The following CEP63 variants were observed in gnomAD, a reference collection of about 807,000 sequenced individuals.
CEP63 encodes centrosomal protein of 63 kDa.
A neutral mutation model predicts 89.1 loss-of-function variants in CEP63; 84 were observed. That is an observed-to-expected ratio of 0.94 (90% CI 0.79 to 1.13). The LOEUF (loss-of-function observed/expected upper bound fraction) is 1.13. CEP63 is among the 50% of genes most tolerant of loss of function. The probability of loss-of-function intolerance (pLI) is 0.00; values close to 1 mark genes in which losing one functional copy is unlikely to be tolerated. For synonymous variants in CEP63, 267 were observed against 272.5 expected (o/e 0.98, Z 0.20); for missense variants, 838 against 813.3 (o/e 1.03, Z -0.37).
the CEP63 span, among the ~76,000 whole-genome samples, chr3:134,708,443 T>C: frequency 6.6e-6 from 1 of 152,220 alleles, no homozygotes; most frequent in Non-Finnish European, 1.5e-5. Flanking sequence ...ATAGAATTGG[T>C]CATGAAGGGC....
the CEP63 span, among the ~76,000 whole-genome samples, chr3:134,694,157 C>G: frequency 1.3e-5 from 2 of 152,162 alleles, no homozygotes; most frequent in African/African-American, 4.8e-5. Flanking sequence ...TCTCAATGGC[C>G]CCTTGAGGTT....
chr3:134,716,577 C>G, the CEP63 span, among the ~76,000 whole-genome samples: 1 of 152,128 alleles, frequency 6.6e-6, no homozygotes, highest in African/African-American at 2.4e-5. Context: ...CAAGCCCCTC[C>G]TTGGGTAGAG....
chr3:134,588,432 A>T (rs1250737587), downstream of CEP63, among the ~76,000 whole-genome samples: 1 of 151,382 alleles, frequency 6.6e-6, no homozygotes, highest in Admixed American at 6.6e-5. Context: ...GATGGTATTT[A>T]AAAAAAATAT....
At chr3:134,503,086 G>A (rs955336258) in intron 2 of CEP63, among the ~76,000 whole-genome samples, 1 of 145,656 alleles carries the variant, frequency 6.9e-6, no homozygotes, top group Non-Finnish European at 1.5e-5. Flanking sequence ...GAAGATACTT[G>A]GTGTGATTTC....
the CEP63 span, among the ~76,000 whole-genome samples, chr3:134,717,848 A>T: frequency 6.6e-6 from 1 of 152,226 alleles, no homozygotes; most frequent in African/African-American, 2.4e-5. Context: ...CTTGCTGGGC[A>T]GAACTGATGG....
chr3:134,701,220 G>A, the CEP63 span, among the ~76,000 whole-genome samples: 3 of 77,888 alleles, frequency 3.9e-5, no homozygotes, highest in Non-Finnish European at 5.4e-5. Context: ...ATATATGTGT[G>A]TATATATACG....
chr3:134,593,907 T>C, the CEP63 span, among the ~76,000 whole-genome samples: 96,793 of 152,046 alleles, frequency 0.64, 31,533 homozygotes, highest in East Asian at 0.81. Context: ...GGGGATCTGA[T>C]ACTCATGAAA....
the CEP63 span, among the ~76,000 whole-genome samples, chr3:134,727,558 A>G: frequency 2.0e-5 from 3 of 152,342 alleles, no homozygotes; most frequent in South Asian, 6.2e-4. Flanking sequence ...TTTTGTATGA[A>G]AAAAGAATCA....
chr3:134,531,807 G>A, intron 3 of CEP63, 38 bp from the exon 4 acceptor site: 1 of 1,365,456 alleles, frequency 7.3e-7, no homozygotes, highest in Non-Finnish European at 1.0e-6. Flanking sequence ...TTATTTCAAT[G>A]CTAATAGTGA....
chr3:134,737,443 G>A, the CEP63 span, among the ~76,000 whole-genome samples: 1 of 151,846 alleles, frequency 6.6e-6, no homozygotes, highest in Non-Finnish European at 1.5e-5. Flanking sequence ...AAACCGAAAA[G>A]CAAAACATAA....
chr3:134,770,628 A>C, the CEP63 span, among the ~76,000 whole-genome samples: 27 of 152,328 alleles, frequency 1.8e-4, no homozygotes, highest in African/African-American at 6.3e-4. Context: ...GTCAAATACC[A>C]TTCAAAATGC....
chr3:134,561,663 A>C lies in CEP63; in HGVS notation c.*128A>C, dbSNP rs1446976290. On this transcript the variant is annotated 3_prime_UTR_variant, in exon 15 of 15. Coordinates refer to ENST00000675561, the MANE Select transcript of CEP63 (RefSeq NM_001353108.3). ...AAATGATACATCTAAAGCAGTGGTG[A>C]AGAAAGCTGAAAAACTGATACTTTT... 6.7e-7 allele frequency: 1 copy of C among 1,485,868 alleles called. No homozygotes were observed. Among genetic ancestry groups the C allele is most frequent in the African/African-American group, 1.4e-5 (1 of 70,528 alleles). 92.0% of individuals were successfully genotyped at this position (1,485,868 alleles called of 1,614,324 possible).
chr3:134,560,086 T>G (rs1577438110), intron 14 of CEP63, among the ~76,000 whole-genome samples: 1 of 152,378 alleles, frequency 6.6e-6, no homozygotes, highest in East Asian at 1.9e-4. Flanking sequence ...AGGTTTTCTT[T>G]TATTTTTCAA....
intron 3 of CEP63, among the ~76,000 whole-genome samples, chr3:134,525,786 G>A (rs901852712): frequency 2.6e-5 from 4 of 152,066 alleles, no homozygotes; most frequent in African/African-American, 9.7e-5. Context: ...TGGCTTGTAG[G>A]GTTTCTGCCA....
At chr3:134,737,437 C>A in the CEP63 span, among the ~76,000 whole-genome samples, 1 of 151,622 alleles carries the variant, frequency 6.6e-6, no homozygotes, top group African/African-American at 2.4e-5. Context: ...CTCTACAAAC[C>A]GAAAAGCAAA....
chr3:134,725,112 G>A, the CEP63 span, among the ~76,000 whole-genome samples: 1 of 151,948 alleles, frequency 6.6e-6, no homozygotes, highest in Non-Finnish European at 1.5e-5. Flanking sequence ...GCATTATAGA[G>A]GCATGTCAGG....
rs116740382 is a variant in CEP63, at chr3:134,501,770, G to T, written c.45-5339G>T. Among the ~76,000 whole-genome samples the T allele has an allele frequency of 2.8e-3, 420 of 152,292 alleles. 1 individual carries two copies. Among genetic ancestry groups the T allele is most frequent in the Middle Eastern group, 6.8e-3 (2 of 294 alleles). ...TTCTAGGTAAAGAATCATATCATCAGCAAAGATAGATAATTTGACTTTTTC... is the reference window on the plus strand; with the variant it reads ...TTCTAGGTAAAGAATCATATCATCATCAAAGATAGATAATTTGACTTTTTC... On this transcript the variant is annotated intron_variant, in intron 2 of 14. Coordinates refer to ENST00000675561, the MANE Select transcript of CEP63 (RefSeq NM_001353108.3).
chr3:134,768,810 G>A, the CEP63 span, among the ~76,000 whole-genome samples: 1 of 152,246 alleles, frequency 6.6e-6, no homozygotes, highest in Non-Finnish European at 1.5e-5. Flanking sequence ...TCATTGGGCT[G>A]TAAGATAGGG....
chr3:134,698,996 C>G, the CEP63 span, among the ~76,000 whole-genome samples: 1 of 152,134 alleles, frequency 6.6e-6, no homozygotes, highest in Non-Finnish European at 1.5e-5. Flanking sequence ...AGAGGAAATA[C>G]TGAGGCCTCT....
Sources: gnomAD v4.1 joint callset for allele counts (sites outside exome capture counted in the v4.1 genomes callset) on GRCh38, gnomAD v4.1.1 for gene constraint, MANE v1.5 for transcripts, NCBI Gene and HGNC (gene_info 2026-07-23, HGNC 2026-07-21) for gene names.